The following RASGRF2 variants were observed in gnomAD, a reference collection of about 807,000 sequenced individuals.
RASGRF2 encodes Ras protein specific guanine nucleotide releasing factor 2, also known as ras-specific guanine nucleotide-releasing factor 2.
Under a neutral mutation model 151.0 loss-of-function variants are expected in RASGRF2, and 76 were observed. That is an observed-to-expected ratio of 0.50 (90% CI 0.42 to 0.61). RASGRF2 has a LOEUF of 0.61. Among genes scored for constraint, RASGRF2 ranks in the 20% least tolerant of loss-of-function variants. The probability of loss-of-function intolerance (pLI) is 0.00; values close to 1 mark genes in which losing one functional copy is unlikely to be tolerated. For missense variants in RASGRF2, 1,148 were observed against 1,564.6 expected, an observed-to-expected ratio of 0.73 and a Z score of 4.49; for synonymous variants, 504 against 566.5, an observed-to-expected ratio of 0.89 and a Z score of 1.57.
intron 1 of RASGRF2, among the ~76,000 whole-genome samples, chr5:81,029,468 G>A (rs1351842874): frequency 6.6e-6 from 1 of 152,190 alleles, no homozygotes; most frequent in African/African-American, 2.4e-5. Context: ...GAAGGATCAG[G>A]CAGCAACATT....
At chr5:81,143,662 C>T (rs952058702) in intron 17 of RASGRF2, among the ~76,000 whole-genome samples, 38 of 151,836 alleles carry the variant, frequency 2.5e-4, no homozygotes, top group African/African-American at 7.7e-4. Context: ...GAGGCCGAGG[C>T]GGGCGGATCA....
At position 81,068,186 on chromosome 5, in the gene RASGRF2, C is replaced by T; in HGVS notation, c.543+7C>T. 6.2e-7 allele frequency: 1 copy of T among 1,607,070 alleles called. No homozygotes were observed. Among genetic ancestry groups the T allele is most frequent in the Non-Finnish European group, 8.5e-7 (1 of 1,176,696 alleles). On this transcript the variant is annotated splice_region_variant and intron_variant, in intron 3 of 26. Coordinates refer to ENST00000265080, the MANE Select transcript of RASGRF2 (RefSeq NM_006909.3). ...CGAAAGGCTTAAATCAGAGGTATTT[C>T]CCAGTCAATAGATTCCTTCTCATTG...
intron 16 of RASGRF2, among the ~76,000 whole-genome samples, chr5:81,124,930 C>T (rs1753410856): frequency 2.6e-5 from 4 of 151,854 alleles, no homozygotes; most frequent in Admixed American, 2.0e-4. Flanking sequence ...CTCTGTTACC[C>T]AGGCTGGAGT....
At chr5:81,123,509 A>C in intron 15 of RASGRF2, 133 bp from the exon 16 acceptor site, 1 of 1,119,186 alleles carries the variant, frequency 8.9e-7, no homozygotes, top group Non-Finnish European at 1.3e-6. Context: ...TTAGTACTTG[A>C]CTTGATTTCA....
intron 17 of RASGRF2, among the ~76,000 whole-genome samples, chr5:81,163,094 G>GGGAGGCTGCCTCTGC (rs1181485887): frequency 6.6e-6 from 1 of 152,098 alleles, no homozygotes; most frequent in East Asian, 1.9e-4. Flanking sequence ...CTGCCCCTAT[G>GGGAGGCTGCCTCTGC]GGAGGCTGCC....
chr5:81,084,760 T>C (rs900038556), intron 7 of RASGRF2, among the ~76,000 whole-genome samples: 8 of 152,234 alleles, frequency 5.3e-5, no homozygotes, highest in African/African-American at 1.9e-4. Flanking sequence ...CCTGGAAAGC[T>C]GTTGTAGTTT....
chr5:81,010,763 G>C (rs1190175195), intron 1 of RASGRF2, among the ~76,000 whole-genome samples: 1 of 151,744 alleles, frequency 6.6e-6, no homozygotes, highest in Non-Finnish European at 1.5e-5. Flanking sequence ...ACCATCATTA[G>C]TAGTCACATT....
chr5:81,021,839 T>G (rs763511618), intron 1 of RASGRF2, among the ~76,000 whole-genome samples: 4 of 152,156 alleles, frequency 2.6e-5, no homozygotes, highest in Non-Finnish European at 4.4e-5. Flanking sequence ...TTCACCTCCC[T>G]GAAAGGTTTG....
intron 17 of RASGRF2, among the ~76,000 whole-genome samples, chr5:81,164,490 A>T (rs967718452): frequency 1.3e-5 from 2 of 151,856 alleles, no homozygotes; most frequent in Non-Finnish European, 2.9e-5. Flanking sequence ...TTTAAGAATG[A>T]ATATGGTTCA....
chr5:81,191,782 T>C lies in RASGRF2; in HGVS notation c.2794-9548T>C, dbSNP rs1236791903. Among the ~76,000 whole-genome samples, 3 of 152,190 alleles carry C rather than the reference T, an allele frequency of 2.0e-5. No homozygotes were observed. The East Asian group carries it at 5.8e-4, about 29-fold the overall frequency. On this transcript the variant is annotated intron_variant, in intron 18 of 26. Coordinates refer to ENST00000265080, the MANE Select transcript of RASGRF2 (RefSeq NM_006909.3). ...ATCTGATTCCGGGGTTGTGGGGCAG[T>C]ATTTAAAGATTCCTGTATGCACAGC...
In RASGRF2 at chr5:81,061,027, T is replaced by C. The variant is rs201970073; in HGVS notation, c.396-7005T>C. 3.3e-5 allele frequency among the ~76,000 whole-genome samples: 5 copies of C among 152,126 alleles called. No individual in the cohort carries two copies. The East Asian group carries it at 7.7e-4, about 23-fold the overall frequency. On this transcript the variant is annotated intron_variant, in intron 2 of 26. Coordinates refer to ENST00000265080, the MANE Select transcript of RASGRF2 (RefSeq NM_006909.3). ...ACATATATACATGTACATGTACATA[T>C]AATGTTTATCTCAATTTCTTGTTTT...
At chr5:81,157,902 G>A (rs959604561) in intron 17 of RASGRF2, among the ~76,000 whole-genome samples, 3 of 152,160 alleles carry the variant, frequency 2.0e-5, no homozygotes, top group African/African-American at 7.2e-5. Context: ...ATGAGATTTG[G>A]GTGGGGACAC....
intron 1 of RASGRF2, among the ~76,000 whole-genome samples, chr5:80,967,190 A>G (rs1233455609): frequency 6.6e-6 from 1 of 152,148 alleles, no homozygotes; most frequent in Non-Finnish European, 1.5e-5. Context: ...GGAGTTAGAG[A>G]CCAGCCTGAC....
chr5:80,978,298 C>T (rs1194213752), intron 1 of RASGRF2, among the ~76,000 whole-genome samples: 1 of 152,042 alleles, frequency 6.6e-6, no homozygotes, highest in East Asian at 1.9e-4. Flanking sequence ...GTTAATAGAA[C>T]ATTTTTAAAA....
chr5:81,179,075 T>C (rs1396175593), intron 17 of RASGRF2, among the ~76,000 whole-genome samples: 2 of 152,174 alleles, frequency 1.3e-5, no homozygotes, highest in African/African-American at 4.8e-5. Context: ...TGAAGTTATG[T>C]AAGGCTTTAA....
chr5:81,120,518 G>A (rs968028395), intron 15 of RASGRF2, among the ~76,000 whole-genome samples: 2 of 152,212 alleles, frequency 1.3e-5, no homozygotes, highest in Non-Finnish European at 2.9e-5. Context: ...AAGAGGTCAA[G>A]GACGCAGTGA....
intron 1 of RASGRF2, among the ~76,000 whole-genome samples, chr5:81,005,261 G>A (rs1052683831): frequency 6.6e-6 from 1 of 152,112 alleles, no homozygotes; most frequent in African/African-American, 2.4e-5. Context: ...GGAGGCCTCA[G>A]GAAACCGACA....
At chr5:80,976,176 C>T (rs1748108620) in intron 1 of RASGRF2, among the ~76,000 whole-genome samples, 2 of 152,152 alleles carry the variant, frequency 1.3e-5, no homozygotes, top group Non-Finnish European at 1.5e-5. Flanking sequence ...CTGTAGTATA[C>T]TAACTTGTTA....
At chr5:81,186,201 T>G (rs1325715105) in intron 18 of RASGRF2, among the ~76,000 whole-genome samples, 1 of 152,338 alleles carries the variant, frequency 6.6e-6, no homozygotes, top group East Asian at 1.9e-4. Context: ...TTTATTGAAA[T>G]ATCACATACC....
Sources: gnomAD v4.1 joint callset for allele counts (sites outside exome capture counted in the v4.1 genomes callset) on GRCh38, gnomAD v4.1.1 for gene constraint, MANE v1.5 for transcripts, NCBI Gene and HGNC (gene_info 2026-07-23, HGNC 2026-07-21) for gene names.